ERC2: variants seen among roughly 807,000 people sequenced by gnomAD.
ERC2 encodes the protein ERC protein 2.
ERC2 carries 42 observed loss-of-function variants against 114.8 expected under a neutral mutation model. That is an observed-to-expected ratio of 0.37 (90% CI 0.29 to 0.47). The LOEUF is 0.47. Among genes scored for constraint, ERC2 ranks in the 20% least tolerant of loss-of-function variants. The probability of loss-of-function intolerance (pLI) is 0.99; values close to 1 mark genes in which losing one functional copy is unlikely to be tolerated. For missense variants in ERC2, 939 were observed against 1,150.7 expected (o/e 0.82, Z 2.66); for synonymous variants, 454 against 425.5 (o/e 1.07, Z -0.82).
chr3:56,020,939 G>T (rs1449462116), intron 7 of ERC2, among the ~76,000 whole-genome samples: 1 of 152,152 alleles, frequency 6.6e-6, no homozygotes, highest in African/African-American at 2.4e-5. Context: ...CTACTGGCAT[G>T]CAGGTAGGGG....
chr3:55,718,688 C>G (rs2064268566), intron 15 of ERC2, among the ~76,000 whole-genome samples: 1 of 152,180 alleles, frequency 6.6e-6, no homozygotes, highest in Non-Finnish European at 1.5e-5. Context: ...CTCACAGACT[C>G]TCTCCATGCT....
intron 6 of ERC2, among the ~76,000 whole-genome samples, chr3:56,137,076 G>C (rs2080552275): frequency 6.6e-6 from 1 of 152,172 alleles, no homozygotes; most frequent in African/African-American, 2.4e-5. Context: ...TAATTTGAGA[G>C]AGGTAAAATA....
At chr3:55,689,799 AAAAAAAAAAAG>A (rs1413188416) in intron 16 of ERC2, among the ~76,000 whole-genome samples, 28 of 146,940 alleles carry the variant, frequency 1.9e-4, no homozygotes, top group Admixed American at 1.4e-3. Flanking sequence ...CTCCGTCTCA[AAAAAAAAAAAG>A]AAAAAAAAAA....
At chr3:56,428,559 G>GGGAGGGAGGGAGGA (rs1371872817) in intron 2 of ERC2, among the ~76,000 whole-genome samples, 1 of 45,774 alleles carries the variant, frequency 2.2e-5, no homozygotes, top group African/African-American at 1.3e-4. Flanking sequence ...AAGGAAGGGA[G>GGGAGGGAGGGAGGA]GGAGGGAGGG....
intron 17 of ERC2, among the ~76,000 whole-genome samples, chr3:55,591,827 T>A (rs1374597283): frequency 6.6e-6 from 1 of 152,160 alleles, no homozygotes. Flanking sequence ...ATTTCACCAA[T>A]GAGGAAAATG....
chr3:56,111,394 C>CCT (rs368508041), intron 6 of ERC2, among the ~76,000 whole-genome samples: 3 of 150,590 alleles, frequency 2.0e-5, no homozygotes, highest in African/African-American at 4.9e-5. Context: ...TCAACCTCTC[C>CCT]CTCTCTCTCT....
chr3:55,963,265 C>T (rs2068517061), intron 12 of ERC2, among the ~76,000 whole-genome samples: 1 of 152,174 alleles, frequency 6.6e-6, no homozygotes, highest in African/African-American at 2.4e-5. Flanking sequence ...ATGGATATAG[C>T]CCCAAAAGCA....
intron 3 of ERC2, among the ~76,000 whole-genome samples, chr3:56,195,370 AT>A (rs2048031749): frequency 6.6e-6 from 1 of 152,152 alleles, no homozygotes; most frequent in African/African-American, 2.4e-5. Flanking sequence ...TATTTCTGGA[AT>A]TTTCCATTTA....
At chr3:55,691,376 C>T (rs2062630996) in intron 16 of ERC2, among the ~76,000 whole-genome samples, 1 of 151,386 alleles carries the variant, frequency 6.6e-6, no homozygotes, top group Non-Finnish European at 1.5e-5. Flanking sequence ...AAAGGACTGG[C>T]CCAGGAGTGG....
At chr3:56,231,498 T>C (rs929516724) in intron 3 of ERC2, among the ~76,000 whole-genome samples, 4 of 152,216 alleles carry the variant, frequency 2.6e-5, no homozygotes, top group African/African-American at 9.6e-5. Context: ...CTCAACCAAC[T>C]ATGCATGTGG....
intron 2 of ERC2, among the ~76,000 whole-genome samples, chr3:56,343,240 A>AAC (rs139548754): frequency 7.7e-4 from 100 of 129,792 alleles, no homozygotes; most frequent in Admixed American, 1.4e-3. Context: ...CACATACACA[A>AAC]ACACACACAC....
rs372211450 is a variant in ERC2 at position 56,387,322 on chromosome 3, G to A, written c.657+47029C>T. ...TACAAAATTCATCAGTTTGGTCTCT[G>A]TCTAATTCTGCATAATCCTCAAGGA... On this transcript the variant is annotated intron_variant, in intron 2 of 17. Transcript: ENST00000288221. 8.5e-5 allele frequency among the ~76,000 whole-genome samples: 13 copies of A among 152,264 alleles called. No homozygotes were observed. In the South Asian group the frequency reaches 2.7e-3, roughly 32 times the overall value.
intron 7 of ERC2, among the ~76,000 whole-genome samples, chr3:56,052,315 AG>A (rs1351090062): frequency 6.6e-6 from 1 of 152,230 alleles, no homozygotes; most frequent in African/African-American, 2.4e-5. Context: ...AATCCACTTT[AG>A]GTTTTAGAGA....
chr3:56,381,472 GA>G (rs1310834982), intron 2 of ERC2, among the ~76,000 whole-genome samples: 5 of 150,896 alleles, frequency 3.3e-5, no homozygotes, highest in African/African-American at 4.9e-5. Flanking sequence ...GCATTCAGCT[GA>G]AAAAAAAATC....
intron 14 of ERC2, among the ~76,000 whole-genome samples, chr3:55,790,994 T>TG (rs2069962803): frequency 6.6e-6 from 1 of 152,244 alleles, no homozygotes; most frequent in South Asian, 2.1e-4. Flanking sequence ...GTAACCCACC[T>TG]GGGCCTCAGC....
intron 1 of ERC2, among the ~76,000 whole-genome samples, chr3:56,460,234 T>C (rs2063250048): frequency 6.6e-6 from 1 of 152,192 alleles, no homozygotes; most frequent in African/African-American, 2.4e-5. Context: ...GCATTGACAA[T>C]GGTTAAGGCT....
At chr3:56,099,233 C>T (rs1459869688) in intron 6 of ERC2, among the ~76,000 whole-genome samples, 1 of 152,142 alleles carries the variant, frequency 6.6e-6, no homozygotes, top group Non-Finnish European at 1.5e-5. Context: ...GTGGGGTGTG[C>T]AGATTTTGCA....
chr3:55,872,995 G>A (rs575514587), intron 14 of ERC2, among the ~76,000 whole-genome samples: 1 of 152,304 alleles, frequency 6.6e-6, no homozygotes, highest in African/African-American at 2.4e-5. Context: ...ACAACTGGGG[G>A]AGGGAAATTG....
At chr3:56,049,742 C>A (rs2075666959) in intron 7 of ERC2, among the ~76,000 whole-genome samples, 1 of 152,020 alleles carries the variant, frequency 6.6e-6, no homozygotes, top group Non-Finnish European at 1.5e-5. Flanking sequence ...CTTCCTTGCT[C>A]CTCAGCTTGC....
Sources: allele counts gnomAD v4.1 joint callset (sites outside exome capture counted in the v4.1 genomes callset), GRCh38; gene constraint gnomAD v4.1.1; transcripts MANE v1.5; gene names NCBI Gene and HGNC (gene_info 2026-07-23, HGNC 2026-07-21).